Variants in PNPLA8 observed in about 807,000 individuals in gnomAD.
PNPLA8 encodes calcium-independent phospholipase A2-gamma.
PNPLA8 carries 39 observed loss-of-function variants against 76.9 expected under a neutral mutation model. The observed-to-expected ratio is 0.51, with a 90% confidence interval of 0.39 to 0.66. The LOEUF (loss-of-function observed/expected upper bound fraction) is 0.66. Ranked by LOEUF, PNPLA8 falls within the 30% of genes least tolerant of loss-of-function variation. The probability of loss-of-function intolerance (pLI) is 0.00; values close to 1 mark genes in which losing one functional copy is unlikely to be tolerated. For synonymous variants in PNPLA8, 301 were observed against 307.9 expected (o/e 0.98, Z 0.24); for missense variants, 887 against 918.0 (o/e 0.97, Z 0.44).
At chr7:108,476,084 A>G (rs1317500259) in intron 10 of PNPLA8, among the ~76,000 whole-genome samples, 1 of 152,216 alleles carries the variant, frequency 6.6e-6, no homozygotes, top group East Asian at 1.9e-4. Context: ...ACAATCATTT[A>G]CCATTTATTT....
intron 2 of PNPLA8, among the ~76,000 whole-genome samples, chr7:108,516,845 C>T (rs1424823555): frequency 1.3e-5 from 2 of 151,756 alleles, no homozygotes; most frequent in Admixed American, 6.6e-5. Flanking sequence ...GAGGTTACAG[C>T]GAGCCAAGAT....
Position 108,514,585 on chromosome 7 carries a change from C to A in PNPLA8, c.907G>T (p.Gly303Cys), listed in dbSNP as rs756787766. 1 of 1,614,098 alleles carries A rather than the reference C, an allele frequency of 6.2e-7. No homozygotes were observed. Among genetic ancestry groups the A allele is most frequent in the South Asian group, 1.1e-5 (1 of 91,082 alleles). ...RPTEGVQALV[G>C]GYIGGLVPKL... The stretch of plus-strand genomic sequence containing the variant: ...GGGACAAGTCCACCAATATAACCAC[C>A]TACTAAAGCTTGTACACCTTCCGTG... Residue 303 changes from glycine (G) to cysteine (C), a missense_variant, in exon 3 of 11, where the codon GGT becomes TGT. Physicochemically the swap from Gly to Cys is radical, Grantham distance 159 (BLOSUM62 -3). Coordinates refer to ENST00000257694, the MANE Select transcript of PNPLA8 (RefSeq NM_001256007.3).
rs759389476 is a variant in PNPLA8 at position 108,519,901 on chromosome 7, T to TA, written c.-84+1574dup. Among the ~76,000 whole-genome samples the TA allele has an allele frequency of 1.2e-3, 183 of 152,252 alleles. 3 individuals are homozygous for TA. Among genetic ancestry groups the TA allele is most frequent in the Non-Finnish European group, 2.9e-4 (20 of 67,992 alleles). On this transcript the variant is annotated intron_variant, in intron 2 of 10. Transcript: ENST00000257694. ...ACACCCAAAGGACACTTTCACAAGATAAAGTCTGTCTCTTAGGCTCATTCA... is the reference window on the plus strand; with the variant it reads ...ACACCCAAAGGACACTTTCACAAGATAAAAGTCTGTCTCTTAGGCTCATTCA...
At chr7:108,503,577 C>A (rs1479253368) in intron 4 of PNPLA8, among the ~76,000 whole-genome samples, 1 of 152,088 alleles carries the variant, frequency 6.6e-6, no homozygotes, top group Non-Finnish European at 1.5e-5. Flanking sequence ...GATCAACGCT[C>A]ACATCAACAA....
chr7:108,504,019 C>A (rs1862150022), intron 4 of PNPLA8, among the ~76,000 whole-genome samples: 1 of 152,070 alleles, frequency 6.6e-6, no homozygotes, highest in Non-Finnish European at 1.5e-5. Context: ...GATTTTAGGA[C>A]CCAATGAGAT....
chr7:108,472,557 C>A lies in PNPLA8; in HGVS notation c.2193G>T (p.Gln731His). 6.2e-7 allele frequency: 1 copy of A among 1,612,496 alleles called. No individual in the cohort carries two copies. The highest frequency in any genetic ancestry group is 1.1e-5 in the South Asian group (1 of 90,750). The change falls in exon 11 of 11, where the codon CAG (glutamine) becomes CAT (histidine). Residue 731 changes from glutamine to histidine, a missense_variant. Transcript: ENST00000257694. ...ESRNEKLDQL[Q>H]LEGLKYIERN... ...TTTCTATGTATTTCAACCCTTCCAA[C>A]TGCAGCTGATCCAGCTTTTCATTTC... is the stretch of plus-strand genomic sequence containing the variant.
At chr7:108,504,611 A>T (rs1157944691) in intron 4 of PNPLA8, among the ~76,000 whole-genome samples, 1 of 152,212 alleles carries the variant, frequency 6.6e-6, no homozygotes, top group African/African-American at 2.4e-5. Context: ...ATTTTTTTGT[A>T]GATAAGGTGA....
At chr7:108,511,488 C>A (rs943568527) in intron 4 of PNPLA8, among the ~76,000 whole-genome samples, 3 of 152,100 alleles carry the variant, frequency 2.0e-5, no homozygotes, top group Admixed American at 2.0e-4. Context: ...TATTTAAATT[C>A]CAGTGTTCAG....
chr7:108,504,862 A>AT lies in PNPLA8; in HGVS notation c.1207-2221_1207-2220insA, dbSNP rs1460000323. On this transcript the variant is annotated intron_variant, in intron 4 of 10. Transcript: ENST00000257694. ...GAAGCCGAGGTGGGTGGATCACCTG[A>AT]GGTTGGGAGTTCGAGACCAGCCTGA... is the stretch of plus-strand genomic sequence containing the variant. Among the ~76,000 whole-genome samples, 1,461 of 152,192 alleles carry AT rather than the reference A, an allele frequency of 9.6e-3. 29 individuals are homozygous for AT. The highest frequency in any genetic ancestry group is 0.034 in the African/African-American group (1,393 of 41,526).
chr7:108,519,057 C>T (rs576845570), intron 2 of PNPLA8, among the ~76,000 whole-genome samples: 5 of 139,268 alleles, frequency 3.6e-5, no homozygotes, highest in Admixed American at 7.2e-5. Flanking sequence ...GAGATAAAAT[C>T]GAGGGAAGTT....
rs1864064277 is a variant in PNPLA8, at chr7:108,526,117, A to G, written c.-218T>C. The G allele has an allele frequency of 1.0e-6, 1 of 984,920 alleles. No homozygotes were observed. The allele number at this position is 984,920 out of a possible 1,614,324, so 61.0% of individuals were successfully genotyped here. On this transcript the variant is annotated 5_prime_UTR_variant, in exon 1 of 11. Coordinates refer to ENST00000257694, the MANE Select transcript of PNPLA8 (RefSeq NM_001256007.3). ...CACTCCAACCGGCCTGCATCAGCTG[A>G]GCTTCCAACACAAACACTGGCGCAG...
chr7:108,475,950 T>C (rs929260639), intron 10 of PNPLA8, among the ~76,000 whole-genome samples: 3 of 120,106 alleles, frequency 2.5e-5, no homozygotes, highest in African/African-American at 9.5e-5. Flanking sequence ...CTTAACTCTC[T>C]TTTAAAATGT....
intron 2 of PNPLA8, 127 bp from the exon 3 acceptor site, chr7:108,515,701 T>G (rs1306006029): frequency 3.7e-5 from 14 of 376,230 alleles, no homozygotes; most frequent in Non-Finnish European, 5.4e-5. Flanking sequence ...ATATTCCTAT[T>G]ATAGCTGATA....
At chr7:108,479,155 A>T in intron 10 of PNPLA8, 29 bp downstream of exon 10, 1 of 1,499,950 alleles carries the variant, frequency 6.7e-7, no homozygotes, top group Non-Finnish European at 9.2e-7. Context: ...TAGAAGTTGA[A>T]GTATTTTAAA....
chr7:108,473,982 A>G (rs1281332595), intron 10 of PNPLA8, among the ~76,000 whole-genome samples: 3 of 152,174 alleles, frequency 2.0e-5, no homozygotes, highest in African/African-American at 7.2e-5. Context: ...GTGAACCACC[A>G]TACCCAGCCT....
chr7:108,501,856 T>G (rs1861974303), intron 5 of PNPLA8, among the ~76,000 whole-genome samples: 1 of 152,008 alleles, frequency 6.6e-6, no homozygotes, highest in South Asian at 2.1e-4. Flanking sequence ...AAAGCTAAAA[T>G]TATAAAACAC....
chr7:108,489,432 C>T (rs530598329), intron 8 of PNPLA8, among the ~76,000 whole-genome samples: 18 of 152,344 alleles, frequency 1.2e-4, no homozygotes, highest in African/African-American at 4.1e-4. Flanking sequence ...AATGCTGCTA[C>T]TCAATGGCCT....
At position 108,526,121 on chromosome 7, in the gene PNPLA8, T is replaced by C. The variant is rs1864064613; in HGVS notation, c.-222A>G. 1 of 984,622 alleles carries C rather than the reference T, an allele frequency of 1.0e-6. No homozygotes were observed. 61.0% of individuals were successfully genotyped at this position (984,622 alleles called of 1,614,324 possible). A position where few individuals can be genotyped will look rare whatever the true frequency, so the allele number is the denominator to read the frequency against. On this transcript the variant is annotated 5_prime_UTR_variant, in exon 1 of 11. Coordinates refer to ENST00000257694, the MANE Select transcript of PNPLA8 (RefSeq NM_001256007.3). Reference sequence around the variant, plus strand: ...CCAACCGGCCTGCATCAGCTGAGCTTCCAACACAAACACTGGCGCAGCAGC... The same window carrying C: ...CCAACCGGCCTGCATCAGCTGAGCTCCCAACACAAACACTGGCGCAGCAGC...
At chr7:108,510,685 A>G (rs1371840358) in intron 4 of PNPLA8, 4 of 1,598,928 alleles carry the variant, frequency 2.5e-6, no homozygotes, top group Non-Finnish European at 3.4e-6. Context: ...CAGTAAATGA[A>G]CTAATCTACA....
Sources: gnomAD v4.1 joint callset for allele counts (sites outside exome capture counted in the v4.1 genomes callset) on GRCh38, gnomAD v4.1.1 for gene constraint, MANE v1.5 for transcripts, NCBI Gene and HGNC (gene_info 2026-07-23, HGNC 2026-07-21) for gene names.